Variants in GRM5 observed in about 807,000 individuals in gnomAD.
GRM5 encodes glutamate metabotropic receptor 5, also known as metabotropic glutamate receptor 5.
A neutral mutation model predicts 83.1 loss-of-function variants in GRM5; 19 were observed. That is an observed-to-expected ratio of 0.23 (90% CI 0.16 to 0.34). The LOEUF is 0.34. Among genes scored for constraint, GRM5 ranks in the 10% least tolerant of loss-of-function variants. The pLI, the probability that GRM5 is intolerant of heterozygous loss-of-function variation, is 1.00. For synonymous variants in GRM5, 675 were observed against 633.6 expected (o/e 1.07, Z -0.98); for missense variants, 1,160 against 1,588.3 (o/e 0.73, Z 4.58).
chr11:88,906,592 G>A (rs1236337926), intron 2 of GRM5, among the ~76,000 whole-genome samples: 1 of 152,038 alleles, frequency 6.6e-6, no homozygotes, highest in Non-Finnish European at 1.5e-5. Context: ...GTAAGGTTTT[G>A]GAAAATACAT....
intron 2 of GRM5, among the ~76,000 whole-genome samples, chr11:88,905,094 T>C (rs903367936): frequency 1.3e-5 from 2 of 152,196 alleles, no homozygotes; most frequent in Non-Finnish European, 2.9e-5. Context: ...TGTGTCTATA[T>C]AATATATGTG....
At chr11:88,836,276 C>T (rs1944094462) in intron 3 of GRM5, among the ~76,000 whole-genome samples, 1 of 152,162 alleles carries the variant, frequency 6.6e-6, no homozygotes, top group South Asian at 2.1e-4. Context: ...CAGCCATAGA[C>T]ATTATGTCAA....
intron 2 of GRM5, among the ~76,000 whole-genome samples, chr11:88,963,081 C>T (rs1938833398): frequency 6.6e-6 from 1 of 152,096 alleles, no homozygotes; most frequent in South Asian, 2.1e-4. Flanking sequence ...CAGAACAAGG[C>T]TCTGTCTCAA....
chr11:88,696,932 G>A (rs1940918237), intron 3 of GRM5, among the ~76,000 whole-genome samples: 1 of 152,160 alleles, frequency 6.6e-6, no homozygotes, highest in African/African-American at 2.4e-5. Flanking sequence ...TGGAGAAGGT[G>A]ATGCTGTATC....
chr11:88,597,671 T>C (rs1451739505), intron 5 of GRM5, among the ~76,000 whole-genome samples: 2 of 152,114 alleles, frequency 1.3e-5, no homozygotes, highest in Admixed American at 1.3e-4. Flanking sequence ...CTACAAAAGA[T>C]AGAAAGGTTT....
At chr11:88,948,114 A>T (rs1383572099) in intron 2 of GRM5, among the ~76,000 whole-genome samples, 2 of 152,146 alleles carry the variant, frequency 1.3e-5, no homozygotes, top group Non-Finnish European at 2.9e-5. Context: ...AGAAGTCCCG[A>T]TTTTATCTGT....
At chr11:88,913,182 G>A (rs1945528591) in intron 2 of GRM5, among the ~76,000 whole-genome samples, 1 of 152,234 alleles carries the variant, frequency 6.6e-6, no homozygotes, top group South Asian at 2.1e-4. Flanking sequence ...CATGTTAGAA[G>A]GTAATGGCCA....
At chr11:88,674,796 C>T (rs116033754) in intron 3 of GRM5, among the ~76,000 whole-genome samples, 2,271 of 151,902 alleles carry the variant, frequency 0.015, 67 homozygotes, top group African/African-American at 0.053. Flanking sequence ...ACTGTTCTCC[C>T]TTTGCTGTTA....
In GRM5 at chr11:88,921,073, C is replaced by A. The variant is rs1293598420; in HGVS notation, c.662-70918G>T. The stretch of plus-strand genomic sequence containing the variant: ...TTAATATTCCACACTTAAAAGACCA[C>A]TGCGTTTTTTTTTAATAAAGTGAAA... On this transcript the variant is annotated intron_variant, in intron 2 of 9. Coordinates refer to ENST00000305447, the MANE Select transcript of GRM5 (RefSeq NM_001143831.3). 2.5e-4 allele frequency among the ~76,000 whole-genome samples: 7 copies of A among 27,614 alleles called. No homozygotes were observed. In the East Asian group the frequency reaches 6.3e-3, roughly 25 times the overall value. 18.1% of individuals were successfully genotyped at this position (27,614 alleles called of 152,430 possible). A position where few individuals can be genotyped will look rare whatever the true frequency, so the allele number is the denominator to read the frequency against.
chr11:88,760,516 T>C lies in GRM5; in HGVS notation c.911+89390A>G, dbSNP rs1591494722. ...CTGCTAAGACTGAACCGGGAATAAA[T>C]TGACTCCCTGAACAGACCAATAACA... is the stretch of plus-strand genomic sequence containing the variant. On this transcript the variant is annotated intron_variant, in intron 3 of 9. Coordinates refer to ENST00000305447, the MANE Select transcript of GRM5 (RefSeq NM_001143831.3). Among the ~76,000 whole-genome samples the C allele has an allele frequency of 2.0e-5, 3 of 152,040 alleles. No individual in the cohort carries two copies. In the South Asian group the frequency reaches 6.2e-4, roughly 32 times the overall value.
rs560823793 is a variant in GRM5 at position 88,666,629 on chromosome 11, A to G, written c.912-13226T>C. Among the ~76,000 whole-genome samples the G allele has an allele frequency of 1.6e-4, 24 of 152,348 alleles. No individual in the cohort carries two copies. The East Asian group carries it at 3.3e-3, about 21-fold the overall frequency. ...TGAGAACAAACAAACCATTGCAGATAGTAACCACTTTGAGTTTTTATTTGG... is the reference window on the plus strand; with the variant it reads ...TGAGAACAAACAAACCATTGCAGATGGTAACCACTTTGAGTTTTTATTTGG... On this transcript the variant is annotated intron_variant, in intron 3 of 9. Coordinates refer to ENST00000305447, the MANE Select transcript of GRM5 (RefSeq NM_001143831.3).
intron 2 of GRM5, among the ~76,000 whole-genome samples, chr11:89,044,036 C>T (rs899058918): frequency 2.6e-5 from 4 of 152,144 alleles, no homozygotes; most frequent in Non-Finnish European, 4.4e-5. Flanking sequence ...CATTAGTAGA[C>T]GTCATCAATG....
At chr11:88,953,823 G>A (rs906867260) in intron 2 of GRM5, among the ~76,000 whole-genome samples, 8 of 152,178 alleles carry the variant, frequency 5.3e-5, no homozygotes, top group Non-Finnish European at 7.3e-5. Context: ...TGATGCTAAA[G>A]ATATTTCAAG....
At chr11:88,596,712 T>G (rs1018444844) in intron 6 of GRM5, among the ~76,000 whole-genome samples, 1 of 152,126 alleles carries the variant, frequency 6.6e-6, no homozygotes, top group African/African-American at 2.4e-5. Flanking sequence ...AGTCCTCTTC[T>G]TTTCTTTCTT....
chr11:88,750,628 A>G (rs1603901), intron 3 of GRM5, among the ~76,000 whole-genome samples: 5,494 of 152,284 alleles, frequency 0.036, 267 homozygotes, highest in Admixed American at 0.15. Flanking sequence ...TCAATAGAAT[A>G]TACATTCTTA....
chr11:88,772,934 G>C (rs1591504735), intron 3 of GRM5, among the ~76,000 whole-genome samples: 1 of 152,272 alleles, frequency 6.6e-6, no homozygotes, highest in East Asian at 1.9e-4. Flanking sequence ...CTTTATAGCA[G>C]CATGATTTAT....
chr11:88,999,330 A>G (rs1940293892), intron 2 of GRM5, among the ~76,000 whole-genome samples: 1 of 152,230 alleles, frequency 6.6e-6, no homozygotes, highest in Non-Finnish European at 1.5e-5. Context: ...AATTTTTGCA[A>G]CCTACTCATC....
chr11:88,706,210 C>T (rs992609300), intron 3 of GRM5, among the ~76,000 whole-genome samples: 4 of 152,016 alleles, frequency 2.6e-5, no homozygotes, highest in African/African-American at 9.7e-5. Flanking sequence ...TCCATCAGAT[C>T]TTCGAGTACT....
intron 2 of GRM5, among the ~76,000 whole-genome samples, chr11:88,860,871 C>T (rs1944550106): frequency 6.6e-6 from 1 of 152,140 alleles, no homozygotes; most frequent in Admixed American, 6.6e-5. Context: ...GCCTTGGTGA[C>T]TTTCCTCTAT....
Sources: allele counts gnomAD v4.1 joint callset (sites outside exome capture counted in the v4.1 genomes callset), GRCh38; gene constraint gnomAD v4.1.1; transcripts MANE v1.5; gene names NCBI Gene and HGNC (gene_info 2026-07-23, HGNC 2026-07-21).